ERG: variants seen among roughly 807,000 people sequenced by gnomAD.
ERG encodes transcriptional regulator ERG.
A neutral mutation model predicts 55.3 loss-of-function variants in ERG; 9 were observed. The observed-to-expected ratio is 0.16, with a 90% confidence interval of 0.10 to 0.28. The LOEUF (loss-of-function observed/expected upper bound fraction) is 0.28, where lower values mean the gene tolerates loss of function less well. Ranked by LOEUF, ERG falls within the 10% of genes least tolerant of loss-of-function variation. The pLI is 1.00. For synonymous variants in ERG, 223 were observed against 237.3 expected, an observed-to-expected ratio of 0.94 and a Z score of 0.55; for missense variants, 434 against 631.6, an observed-to-expected ratio of 0.69 and a Z score of 3.35.
chr21:38,445,299 C>T (rs1248086325), intron 2 of ERG, 105 bp downstream of exon 2: 4 of 887,770 alleles, frequency 4.5e-6, no homozygotes, highest in Non-Finnish European at 7.1e-6. Context: ...AGTGGCCTTG[C>T]TTTCTAAGTC....
chr21:38,512,102 G>T (rs2059516747), intron 2 of ERG, among the ~76,000 whole-genome samples: 1 of 152,078 alleles, frequency 6.6e-6, no homozygotes, highest in Admixed American at 6.5e-5. Flanking sequence ...ACCAACAGCT[G>T]GTACATATAC....
At chr21:38,582,080 T>C (rs60869087) in intron 1 of ERG, among the ~76,000 whole-genome samples, 64 of 150,274 alleles carry the variant, frequency 4.3e-4, no homozygotes, top group African/African-American at 1.5e-3. Flanking sequence ...CAGAGGCTCC[T>C]GTACTTGGAA....
chr21:38,383,460 G>T lies in ERG; in HGVS notation c.1383C>A (p.Tyr461Ter). 1 of 1,531,400 alleles carries T rather than the reference G, an allele frequency of 6.5e-7. No individual in the cohort carries two copies. 94.9% of individuals were successfully genotyped at this position (1,531,400 alleles called of 1,614,324 possible). ...PYWNSPTGGIYPNTRLPTSHM... is the reference protein window; with the variant it reads ...PYWNSPTGGI ...GGCTGGTGGGGAGCCTAGTGTTGGG[G>T]TATATACCCCCAGTTGGTGAATTCC... is the stretch of plus-strand genomic sequence containing the variant. The change falls in exon 10 of 10, where the codon TAC becomes TAA. Residue 461 changes from tyrosine (Y) to a stop codon, truncating the protein, a stop_gained. Coordinates refer to ENST00000288319, the MANE Select transcript of ERG (RefSeq NM_182918.4). LOFTEE classifies it high-confidence loss of function. The surrounding 1 kb of genome is among the most constrained non-coding windows in gnomAD (Gnocchi z 5.7).
intron 2 of ERG, among the ~76,000 whole-genome samples, chr21:38,547,192 AT>A (rs1189945596): frequency 2.0e-5 from 3 of 152,024 alleles, no homozygotes; most frequent in Non-Finnish European, 2.9e-5. Context: ...AAAGTCATGG[AT>A]TTTTTTTCTA....
At chr21:38,372,128 T>C in the ERG span, among the ~76,000 whole-genome samples, 1 of 152,058 alleles carries the variant, frequency 6.6e-6, no homozygotes, top group Non-Finnish European at 1.5e-5. Flanking sequence ...CAAATAGGCA[T>C]AAAGTAGTTC....
intron 1 of ERG, among the ~76,000 whole-genome samples, chr21:38,628,894 C>T (rs1321236331): frequency 6.6e-6 from 1 of 152,222 alleles, no homozygotes; most frequent in Admixed American, 6.5e-5. Context: ...GATAAAGCAG[C>T]AGTACACAGC....
chr21:38,612,295 C>CT (rs796554846), intron 1 of ERG, among the ~76,000 whole-genome samples: 9 of 152,288 alleles, frequency 5.9e-5, no homozygotes, highest in African/African-American at 2.2e-4. Context: ...TACCTTTCTT[C>CT]TTTTTTTCCC....
chr21:38,400,349 G>A, intron 6 of ERG: 2 of 643,012 alleles, frequency 3.1e-6, no homozygotes, highest in Middle Eastern at 2.5e-4. Flanking sequence ...TTTCTGAAAA[G>A]CTAGTTAAAG....
At chr21:38,451,169 G>A in intron 1 of ERG, 1 of 502,148 alleles carries the variant, frequency 2.0e-6, no homozygotes, top group Non-Finnish European at 4.0e-6. Context: ...GAAGAAAGAT[G>A]AAGGGATAAG....
chr21:38,656,744 G>A (rs1438884840), intron 1 of ERG, among the ~76,000 whole-genome samples: 1 of 152,146 alleles, frequency 6.6e-6, no homozygotes, highest in Non-Finnish European at 1.5e-5. Context: ...CAAAACTGAG[G>A]TTCAAATGCA....
chr21:38,644,950 A>G (rs1469827103), intron 1 of ERG, among the ~76,000 whole-genome samples: 1 of 152,112 alleles, frequency 6.6e-6, no homozygotes, highest in African/African-American at 2.4e-5. Flanking sequence ...TGAGCCCAGG[A>G]GTTAGAGAGC....
chr21:38,528,892 A>C (rs958051376), intron 2 of ERG, among the ~76,000 whole-genome samples: 1 of 152,186 alleles, frequency 6.6e-6, no homozygotes, highest in South Asian at 2.1e-4. Flanking sequence ...TGGTCTATTA[A>C]TTTTTTAAAA....
At chr21:38,551,549 C>A (rs2059824494) in intron 2 of ERG, among the ~76,000 whole-genome samples, 1 of 152,054 alleles carries the variant, frequency 6.6e-6, no homozygotes, top group Non-Finnish European at 1.5e-5. Context: ...TATGGTGTAT[C>A]TTTGTTTTCA....
At chr21:38,390,736 A>C (rs1416269583) in intron 9 of ERG, among the ~76,000 whole-genome samples, 1 of 152,196 alleles carries the variant, frequency 6.6e-6, no homozygotes, top group African/African-American at 2.4e-5. Context: ...TTGTTGTTTA[A>C]GCCACCTAAT....
At chr21:38,539,893 A>ATT (rs11338575) in intron 2 of ERG, among the ~76,000 whole-genome samples, 1,549 of 118,964 alleles carry the variant, frequency 0.013, 35 homozygotes, top group African/African-American at 0.031. Flanking sequence ...CCAACACGTG[A>ATT]TTTTTTTTTT....
chr21:38,381,124 C>T lies in ERG; in HGVS notation c.*2279G>A. 9.4e-7 allele frequency: 1 copy of T among 1,065,036 alleles called. No homozygotes were observed. Among genetic ancestry groups the T allele is most frequent in the Non-Finnish European group, 1.1e-6 (1 of 879,178 alleles). 66.0% of individuals were successfully genotyped at this position (1,065,036 alleles called of 1,614,324 possible). A position where few individuals can be genotyped will look rare whatever the true frequency, so the allele number is the denominator to read the frequency against. ...GTGTCAGGAGCATTGGTAATCGTGT[C>T]CTGCCGACTTCAAAGCCCACTGCCA... On this transcript the variant is annotated 3_prime_UTR_variant, in exon 10 of 10. Coordinates refer to ENST00000288319, the MANE Select transcript of ERG (RefSeq NM_182918.4).
chr21:38,616,349 G>A (rs141999200), intron 1 of ERG, among the ~76,000 whole-genome samples: 24 of 152,048 alleles, frequency 1.6e-4, no homozygotes, highest in African/African-American at 2.7e-4. Flanking sequence ...CTCTGTGTAC[G>A]GCAAAGCACC....
At chr21:38,609,861 A>C (rs952770240) in intron 1 of ERG, among the ~76,000 whole-genome samples, 1 of 152,250 alleles carries the variant, frequency 6.6e-6, no homozygotes, top group Non-Finnish European at 1.5e-5. Flanking sequence ...TGTTTCTTCA[A>C]AAAGACTCAG....
At chr21:38,440,787 CAA>C (rs10601871) in intron 2 of ERG, among the ~76,000 whole-genome samples, 27 of 99,868 alleles carry the variant, frequency 2.7e-4, no homozygotes, top group African/African-American at 7.2e-4. Flanking sequence ...AAAACTGTCT[CAA>C]AAAAAAAAAA....
Sources: gnomAD v4.1 joint callset for allele counts (sites outside exome capture counted in the v4.1 genomes callset) on GRCh38, gnomAD v4.1.1 for gene constraint, Gnocchi (gnomAD v3.1) non-coding constraint, MANE v1.5 for transcripts, NCBI Gene and HGNC (gene_info 2026-07-23, HGNC 2026-07-21) for gene names.